SOX6: variants seen among roughly 807,000 people sequenced by gnomAD.
SOX6 encodes the protein SRY-box transcription factor 6, also known as transcription factor SOX-6.
SOX6 carries 11 observed loss-of-function variants against 97.8 expected under a neutral mutation model. The ratio of observed to expected loss-of-function variants is 0.11; its 90% CI spans 0.07 to 0.19. The LOEUF is 0.19. Ranked by LOEUF, SOX6 falls within the 10% of genes least tolerant of loss-of-function variation. SOX6 has a pLI of 1.00. For missense variants in SOX6, 810 were observed against 1,039.5 expected, an observed-to-expected ratio of 0.78 and a Z score of 3.04; for synonymous variants, 360 against 371.4, an observed-to-expected ratio of 0.97 and a Z score of 0.35.
chr11:16,597,684 A>G (rs1310421515), intron 4 of SOX6, among the ~76,000 whole-genome samples: 1 of 152,050 alleles, frequency 6.6e-6, no homozygotes, highest in Non-Finnish European at 1.5e-5. Context: ...TCATTGATAT[A>G]TATAACCAAA....
chr11:16,706,471 AATATATATATATATATATATAT>A lies in SOX6; in HGVS notation n.429+8337_429+8358del, dbSNP rs1157835806. 3.6e-4 allele frequency among the ~76,000 whole-genome samples: 8 copies of A among 22,264 alleles called. 3 individuals are homozygous for A. The highest frequency in any genetic ancestry group is 5.9e-4 in the Admixed American group (1 of 1,690). 14.6% of individuals were successfully genotyped at this position (22,264 alleles called of 152,430 possible). The stretch of plus-strand genomic sequence containing the variant: ...TCACAAAAAAAAAAAAAAAAAAAAA[AATATATATATATATATATATAT>A]ATATATATATATATATATATATATA... On this transcript the variant is annotated intron_variant and non_coding_transcript_variant, in intron 3 of 5. Coordinates refer to the SOX6 transcript ENST00000524520.
chr11:16,447,622 C>T (rs1368955797), intron 1 of SOX6, among the ~76,000 whole-genome samples: 1 of 152,110 alleles, frequency 6.6e-6, no homozygotes. Flanking sequence ...CAAAATTTAT[C>T]TTCCTAATGA....
At chr11:16,195,935 A>C (rs544002607) in intron 4 of SOX6, among the ~76,000 whole-genome samples, 31 of 152,294 alleles carry the variant, frequency 2.0e-4, no homozygotes, top group African/African-American at 7.2e-4. Flanking sequence ...GGAGAAGTCT[A>C]GGAAGTGAGT....
chr11:16,025,241 GT>G (rs1855182248), intron 12 of SOX6, among the ~76,000 whole-genome samples: 3 of 152,134 alleles, frequency 2.0e-5, no homozygotes, highest in African/African-American at 7.2e-5. Flanking sequence ...CTACTTATAT[GT>G]GGTTTCAACT....
chr11:15,982,513 G>T lies in SOX6; in HGVS notation c.2183+3691C>A, dbSNP rs572441800. Among the ~76,000 whole-genome samples, 6 of 152,080 alleles carry T rather than the reference G, an allele frequency of 3.9e-5. No individual in the cohort carries two copies. In the South Asian group the frequency reaches 8.3e-4, roughly 21 times the overall value. ...AGGACCCCCACAGATAACAAAATCT[G>T]AGGATGCTCAAGTCCCTTTTATAAA... is the stretch of plus-strand genomic sequence containing the variant. On this transcript the variant is annotated intron_variant, in intron 15 of 15. Coordinates refer to ENST00000683767, the MANE Select transcript of SOX6 (RefSeq NM_001367873.1).
chr11:16,649,918 C>T (rs957314980), intron 3 of SOX6, among the ~76,000 whole-genome samples: 6 of 151,836 alleles, frequency 4.0e-5, no homozygotes, highest in Admixed American at 1.3e-4. Flanking sequence ...CTCACATAAC[C>T]GAAAGGTAAA....
chr11:16,130,899 T>C (rs146062568), intron 6 of SOX6, among the ~76,000 whole-genome samples: 1 of 152,068 alleles, frequency 6.6e-6, no homozygotes, highest in African/African-American at 2.4e-5. Flanking sequence ...TAGGCTTTGC[T>C]ATAAATAGGT....
intron 1 of SOX6, among the ~76,000 whole-genome samples, chr11:16,426,913 CA>C (rs34720074): frequency 6.5e-4 from 41 of 62,652 alleles, no homozygotes; most frequent in African/African-American, 1.9e-3. Context: ...GACTCCGTCT[CA>C]AAAAAAAAAA....
intron 1 of SOX6, among the ~76,000 whole-genome samples, chr11:16,423,337 C>G (rs1437947468): frequency 6.6e-6 from 1 of 152,168 alleles, no homozygotes; most frequent in East Asian, 1.9e-4. Context: ...TCTGACAACC[C>G]TATAAAAAAA....
chr11:16,430,710 G>A lies in SOX6; in HGVS notation c.-5+45605C>T, dbSNP rs138966015. Among the ~76,000 whole-genome samples, 1,333 of 152,196 alleles carry A rather than the reference G, an allele frequency of 8.8e-3. 11 individuals carry two copies. Among genetic ancestry groups the A allele is most frequent in the Middle Eastern group, 0.017 (5 of 294 alleles). ...GAACTGTGAAAAATAAATTTCTGTT[G>A]TTTATAAGCCACCCAGTTTATGGCA... On this transcript the variant is annotated intron_variant, in intron 1 of 15. Coordinates refer to the SOX6 transcript ENST00000396356.
rs567546721 is a variant in SOX6, at chr11:16,610,585, T to C, written n.609+1496A>G. On this transcript the variant is annotated intron_variant and non_coding_transcript_variant, in intron 4 of 5. Coordinates refer to the SOX6 transcript ENST00000524520. This position sits in a 1 kb window ranked among gnomAD's most constrained non-coding sequence, Gnocchi z 4.4. ...GAGCCGCAGGAACCCCTTTTAGATT[T>C]TATCTAATAAACTGATAGCAAAGTA... Among the ~76,000 whole-genome samples, 1 of 152,270 alleles carries C rather than the reference T, an allele frequency of 6.6e-6. No homozygotes were observed. The highest frequency in any genetic ancestry group is 1.9e-4 in the East Asian group (1 of 5,176).
At chr11:16,526,682 CATA>C (rs1336139571) in intron 4 of SOX6, among the ~76,000 whole-genome samples, 2 of 151,900 alleles carry the variant, frequency 1.3e-5, no homozygotes, top group African/African-American at 2.4e-5. Flanking sequence ...TCCCAAATTT[CATA>C]ATGTGATACT....
At chr11:16,555,100 C>A (rs35359042) in intron 4 of SOX6, among the ~76,000 whole-genome samples, 22,645 of 151,832 alleles carry the variant, frequency 0.15, 1,768 homozygotes, top group Non-Finnish European at 0.16. Context: ...CAATCTCAAT[C>A]ACATACTAGC....
At chr11:16,642,929 C>A (rs1848944197) in intron 3 of SOX6, among the ~76,000 whole-genome samples, 1 of 152,242 alleles carries the variant, frequency 6.6e-6, no homozygotes, top group Non-Finnish European at 1.5e-5. Context: ...AAGTCATTCT[C>A]TGTCCAGCTT....
intron 6 of SOX6, among the ~76,000 whole-genome samples, chr11:16,156,515 A>G (rs1850601813): frequency 6.6e-6 from 1 of 152,008 alleles, no homozygotes; most frequent in South Asian, 2.1e-4. Flanking sequence ...AACATCTGGT[A>G]GGTATATCTA....
chr11:16,715,077 C>A (rs894445805), intron 2 of SOX6, among the ~76,000 whole-genome samples: 1 of 152,066 alleles, frequency 6.6e-6, no homozygotes. Flanking sequence ...CAGCATGGGA[C>A]CTGCTCCCAT....
chr11:16,167,130 CTT>C (rs1451578285), intron 6 of SOX6, among the ~76,000 whole-genome samples: 2 of 152,172 alleles, frequency 1.3e-5, no homozygotes, highest in African/African-American at 4.8e-5. Flanking sequence ...CAACACTAAA[CTT>C]TTGATATTCT....
chr11:16,706,487 T>A (rs1306166391), intron 3 of SOX6, among the ~76,000 whole-genome samples: 288 of 7,116 alleles, frequency 0.04, 46 homozygotes, highest in Middle Eastern at 0.083. Flanking sequence ...TATATATATA[T>A]ATATATATAT....
chr11:16,468,189 T>A (rs1860077614), intron 1 of SOX6, among the ~76,000 whole-genome samples: 2 of 152,154 alleles, frequency 1.3e-5, no homozygotes, highest in South Asian at 4.1e-4. Context: ...GCAACTCTAC[T>A]CCACCTTCAA....
Sources: allele counts gnomAD v4.1 joint callset (sites outside exome capture counted in the v4.1 genomes callset), GRCh38; gene constraint gnomAD v4.1.1; non-coding constraint Gnocchi (gnomAD v3.1); transcripts MANE v1.5; gene names NCBI Gene and HGNC (gene_info 2026-07-23, HGNC 2026-07-21).